Variants in ZDHHC11B observed in about 807,000 individuals in gnomAD.
ZDHHC11B encodes the protein probable palmitoyltransferase ZDHHC11B.
Under a neutral mutation model 42.3 loss-of-function variants are expected in ZDHHC11B, and 17 were observed. The observed-to-expected ratio is 0.40, with a 90% CI of 0.27 to 0.60. The LOEUF (loss-of-function observed/expected upper bound fraction) is 0.60, where lower values mean the gene tolerates loss of function less well. ZDHHC11B is among the 20% of genes least tolerant of loss of function. The pLI is 0.41. For missense variants in ZDHHC11B, 262 were observed against 463.2 expected (o/e 0.57, Z 3.99); for synonymous variants, 123 against 193.5 (o/e 0.64, Z 3.02).
intron 1 of ZDHHC11B, among the ~76,000 whole-genome samples, chr5:781,018 C>T (rs1364151167): frequency 1.4e-5 from 2 of 147,200 alleles, no homozygotes; most frequent in South Asian, 4.3e-4. Flanking sequence ...GTCAGGTCCC[C>T]GGGGCTGGCT....
Position 766,900 on chromosome 5 carries a change from C to G in ZDHHC11B, c.20G>C (p.Ser7Thr). 1.2e-6 allele frequency: 2 copies of G among 1,612,306 alleles called. No homozygotes were observed. Among genetic ancestry groups the G allele is most frequent in the Non-Finnish European group, 1.7e-6 (2 of 1,179,136 alleles). The change falls in exon 4 of 14, where the codon AGC becomes ACC. Residue 7 changes from serine (S) to threonine (T), a missense_variant. Physicochemically the swap from Ser to Thr is moderately conservative, Grantham distance 58. Coordinates refer to ENST00000508859, the MANE Select transcript of ZDHHC11B (RefSeq NM_001351303.2). MDTRSG[S>T]QCSVTPEAIR... Reference sequence around the variant, plus strand: ...GGCTTCTGGGGTGACGGAACACTGGCTCCCGGAGCGGGTGTCCATCTGCAG... The same window carrying G: ...GGCTTCTGGGGTGACGGAACACTGGGTCCCGGAGCGGGTGTCCATCTGCAG...
chr5:718,990 T>C (rs1459858331), intron 12 of ZDHHC11B, among the ~76,000 whole-genome samples: 3 of 151,858 alleles, frequency 2.0e-5, no homozygotes, highest in East Asian at 1.9e-4. Flanking sequence ...GCAGCAACCA[T>C]TGGAAGATTT....
intron 4 of ZDHHC11B, among the ~76,000 whole-genome samples, chr5:757,369 G>A (rs1337620600): frequency 6.6e-6 from 1 of 151,956 alleles, no homozygotes. Context: ...TTTAGCAGAA[G>A]GCTGCCAGCA....
intron 1 of ZDHHC11B, among the ~76,000 whole-genome samples, chr5:774,812 T>C (rs1736339664): frequency 6.6e-6 from 1 of 151,806 alleles, no homozygotes; most frequent in Non-Finnish European, 1.5e-5. Flanking sequence ...AACTAGGGCC[T>C]GGGGTCTCTC....
At chr5:784,267 C>T (rs528594261) in intron 1 of ZDHHC11B, among the ~76,000 whole-genome samples, 66 of 151,830 alleles carry the variant, frequency 4.3e-4, no homozygotes, top group African/African-American at 1.5e-3. Flanking sequence ...CACCGGCGGC[C>T]CCCTACGCCT....
chr5:773,193 C>T (rs6555476), intron 1 of ZDHHC11B, among the ~76,000 whole-genome samples: 44,458 of 147,710 alleles, frequency 0.3, 4,455 homozygotes, highest in East Asian at 0.43. Flanking sequence ...GGCGCCTCTA[C>T]CTTGGCGCTC....
intron 4 of ZDHHC11B, 132 bp from the exon 5 acceptor site, chr5:756,276 C>G (rs1160578622): frequency 1.8e-5 from 25 of 1,369,594 alleles, no homozygotes; most frequent in Non-Finnish European, 2.3e-5. Flanking sequence ...CACGTGAGCC[C>G]AGCTCACCCA....
intron 12 of ZDHHC11B, among the ~76,000 whole-genome samples, chr5:728,075 AAAC>A (rs1742727042): frequency 6.6e-6 from 1 of 151,504 alleles, no homozygotes; most frequent in African/African-American, 2.4e-5. Context: ...TCGACAATAC[AAAC>A]AACTCCATTT....
chr5:760,567 G>C (rs1226894888), intron 4 of ZDHHC11B, among the ~76,000 whole-genome samples: 3 of 151,786 alleles, frequency 2.0e-5, no homozygotes, highest in Non-Finnish European at 2.9e-5. Flanking sequence ...CTTTGTGATG[G>C]CAGCCCCAGG....
chr5:778,381 G>C (rs1302167952), intron 1 of ZDHHC11B, among the ~76,000 whole-genome samples: 1 of 150,888 alleles, frequency 6.6e-6, no homozygotes, highest in Non-Finnish European at 1.5e-5. Flanking sequence ...GGGCACACCA[G>C]GTTAGAGGAC....
chr5:743,307 G>A (rs1744378024), intron 9 of ZDHHC11B, among the ~76,000 whole-genome samples: 1 of 149,438 alleles, frequency 6.7e-6, no homozygotes, highest in Non-Finnish European at 1.5e-5. Flanking sequence ...TAGTGTTACA[G>A]CTTTATAGTA....
intron 12 of ZDHHC11B, among the ~76,000 whole-genome samples, chr5:728,350 C>G (rs1380735024): frequency 6.6e-6 from 1 of 151,908 alleles, no homozygotes; most frequent in African/African-American, 2.4e-5. Context: ...AATGCAAATG[C>G]CCTTTGACTT....
Position 777,562 on chromosome 5 carries a change from T to G in ZDHHC11B, c.-230+7106A>C, listed in dbSNP as rs374642366. 4.4e-3 allele frequency among the ~76,000 whole-genome samples: 675 copies of G among 151,700 alleles called. 12 individuals are homozygous for G. Among genetic ancestry groups the G allele is most frequent in the African/African-American group, 0.015 (628 of 41,140 alleles). On this transcript the variant is annotated intron_variant, in intron 1 of 13. Coordinates refer to ENST00000508859, the MANE Select transcript of ZDHHC11B (RefSeq NM_001351303.2). ...AATGGAGTCAGGTTGCGGCAGGGCGTTCCGGCTACCCGCTTTTATTCCGTT... is the reference window on the plus strand; with the variant it reads ...AATGGAGTCAGGTTGCGGCAGGGCGGTCCGGCTACCCGCTTTTATTCCGTT...
At chr5:743,661 G>T (rs896157428) in intron 9 of ZDHHC11B, among the ~76,000 whole-genome samples, 2 of 149,954 alleles carry the variant, frequency 1.3e-5, no homozygotes, top group African/African-American at 4.9e-5. Flanking sequence ...ATTAGATTAT[G>T]AAAGGAAGTT....
At chr5:732,473 G>A (rs1743086626) in intron 11 of ZDHHC11B, 1 of 323,210 alleles carries the variant, frequency 3.1e-6, no homozygotes. Flanking sequence ...TTTGGTGGCT[G>A]AGTCTGGGCG....
chr5:758,972 C>T (rs1312978638), intron 4 of ZDHHC11B, among the ~76,000 whole-genome samples: 1 of 151,916 alleles, frequency 6.6e-6, no homozygotes, highest in Admixed American at 6.6e-5. Context: ...CCTTCCTGAG[C>T]TGGCGGGGAG....
chr5:754,178 ACATCTCTC>A (rs1746195811), intron 6 of ZDHHC11B, among the ~76,000 whole-genome samples: 7 of 112,576 alleles, frequency 6.2e-5, no homozygotes, highest in Non-Finnish European at 9.1e-5. Context: ...CTCAGGGGAA[ACATCTCTC>A]GTCTATGAGC....
intron 4 of ZDHHC11B, among the ~76,000 whole-genome samples, chr5:760,779 C>T (rs193277357): frequency 5.9e-5 from 9 of 151,894 alleles, no homozygotes; most frequent in Admixed American, 2.6e-4. Context: ...ACTCAGAGTC[C>T]ACATGTGCAC....
intron 4 of ZDHHC11B, among the ~76,000 whole-genome samples, chr5:766,347 T>G (rs115581307): frequency 0.023 from 3,448 of 151,204 alleles, 61 homozygotes; most frequent in Non-Finnish European, 0.035. Flanking sequence ...CCCCACCTGC[T>G]GGGAGATGGG....
Sources: allele counts gnomAD v4.1 joint callset (sites outside exome capture counted in the v4.1 genomes callset), GRCh38; gene constraint gnomAD v4.1.1; transcripts MANE v1.5; gene names NCBI Gene and HGNC (gene_info 2026-07-23, HGNC 2026-07-21).